Variants in CAMTA1 observed in about 807,000 individuals in gnomAD.
CAMTA1 encodes the protein calmodulin binding transcription activator 1, also known as calmodulin-binding transcription activator 1.
CAMTA1 carries 27 observed loss-of-function variants against 170.9 expected under a neutral mutation model. The observed-to-expected ratio is 0.16, with a 90% CI of 0.12 to 0.22. The LOEUF (loss-of-function observed/expected upper bound fraction) is 0.22, where lower values mean the gene tolerates loss of function less well. CAMTA1 is among the 10% of genes least tolerant of loss of function. CAMTA1 has a pLI of 1.00. For missense variants in CAMTA1, 1,619 were observed against 2,217.2 expected (o/e 0.73, Z 5.42); for synonymous variants, 833 against 891.5 (o/e 0.93, Z 1.17).
intron 5 of CAMTA1, among the ~76,000 whole-genome samples, chr1:7,250,479 C>A (rs2149307261): frequency 6.6e-6 from 1 of 152,284 alleles, no homozygotes; most frequent in South Asian, 2.1e-4. Flanking sequence ...CGTGATCCAC[C>A]TGTTATTTCG....
chr1:6,975,071 C>T (rs895338844), intron 3 of CAMTA1, among the ~76,000 whole-genome samples: 5 of 152,278 alleles, frequency 3.3e-5, no homozygotes, highest in African/African-American at 1.2e-4. Flanking sequence ...GAAGGAGGCG[C>T]CATCTCTGTT....
intron 6 of CAMTA1, among the ~76,000 whole-genome samples, chr1:7,492,168 T>C (rs552360609): frequency 6.6e-6 from 1 of 152,286 alleles, no homozygotes; most frequent in African/African-American, 2.4e-5. Flanking sequence ...AAGTCCTCCT[T>C]GGTAGAGCGT....
chr1:7,628,150 C>A (rs1289277585), intron 6 of CAMTA1, among the ~76,000 whole-genome samples: 1 of 152,140 alleles, frequency 6.6e-6, no homozygotes, highest in Non-Finnish European at 1.5e-5. Context: ...TCCCCTCAGC[C>A]CTGCTCCTCG....
intron 3 of CAMTA1, among the ~76,000 whole-genome samples, chr1:6,837,493 G>T (rs1272377384): frequency 1.3e-5 from 2 of 152,130 alleles, no homozygotes; most frequent in East Asian, 3.9e-4. Flanking sequence ...AGTTGAGAAA[G>T]TTAAAAGAAT....
intron 11 of CAMTA1, among the ~76,000 whole-genome samples, chr1:7,684,922 G>A (rs745453343): frequency 6.6e-6 from 1 of 152,160 alleles, no homozygotes; most frequent in Non-Finnish European, 1.5e-5. Flanking sequence ...AGGGTTTGTT[G>A]TGCACGGGGT....
intron 6 of CAMTA1, among the ~76,000 whole-genome samples, chr1:7,571,641 T>C (rs2095127434): frequency 6.6e-6 from 1 of 152,130 alleles, no homozygotes; most frequent in Non-Finnish European, 1.5e-5. Context: ...TCCAGCTCTA[T>C]CCATGTTGCT....
chr1:6,803,842 G>A (rs572693079), intron 1 of CAMTA1, among the ~76,000 whole-genome samples: 117 of 152,016 alleles, frequency 7.7e-4, no homozygotes, highest in African/African-American at 2.8e-3. Context: ...AGACTCCCAA[G>A]TGGTTAGGAG....
At chr1:6,820,698 G>A (rs1458650347) in intron 2 of CAMTA1, among the ~76,000 whole-genome samples, 1 of 152,178 alleles carries the variant, frequency 6.6e-6, no homozygotes, top group African/African-American at 2.4e-5. Flanking sequence ...GAGTAATTAA[G>A]CCCTTGTGTT....
At chr1:7,581,680 C>T (rs1045758791) in intron 6 of CAMTA1, among the ~76,000 whole-genome samples, 5 of 152,232 alleles carry the variant, frequency 3.3e-5, no homozygotes, top group Non-Finnish European at 5.9e-5. Context: ...ACACCTGCCA[C>T]GTGTGGCCTA....
intron 4 of CAMTA1, among the ~76,000 whole-genome samples, chr1:7,199,592 G>A (rs923712513): frequency 8.5e-5 from 13 of 152,182 alleles, no homozygotes; most frequent in Non-Finnish European, 1.6e-4. Context: ...ACCCAAGGCA[G>A]CGGTGGGCAC....
intron 6 of CAMTA1, among the ~76,000 whole-genome samples, chr1:7,636,157 C>A (rs1006841193): frequency 5.3e-5 from 8 of 151,700 alleles, no homozygotes; most frequent in Admixed American, 2.6e-4. Context: ...AGGGACCCCC[C>A]ACCCCCGGTG....
At chr1:7,488,920 C>T (rs1290892394) in intron 6 of CAMTA1, among the ~76,000 whole-genome samples, 1 of 152,228 alleles carries the variant, frequency 6.6e-6, no homozygotes, top group Admixed American at 6.5e-5. Context: ...CATGCATACC[C>T]ATGCACACGT....
At chr1:7,046,111 G>T (rs1022391622) in intron 3 of CAMTA1, among the ~76,000 whole-genome samples, 1 of 152,208 alleles carries the variant, frequency 6.6e-6, no homozygotes, top group African/African-American at 2.4e-5. Context: ...CAGTAGAAGT[G>T]CACAGAAAGT....
chr1:7,525,448 GT>G (rs1305159659), intron 6 of CAMTA1, among the ~76,000 whole-genome samples: 2 of 151,532 alleles, frequency 1.3e-5, no homozygotes, highest in African/African-American at 2.4e-5. Context: ...TCTTGTGTGT[GT>G]TTTTTTTAAT....
Position 7,663,360 on chromosome 1 carries a change from C to A in CAMTA1, c.813C>A (p.Gly271=). The A allele has an allele frequency of 6.6e-7, 1 of 1,525,410 alleles. No individual in the cohort carries two copies. The highest frequency in any genetic ancestry group is 8.8e-7 in the Non-Finnish European group (1 of 1,134,238). 94.5% of individuals were successfully genotyped at this position (1,525,410 alleles called of 1,614,324 possible). ...GTGTTCCGATCTCCGCAGGAGCTGG[C>A]GGCAGCGTGCATCACAAGTGTAACA... ...NCLCTGSLGA[G]GSVHHKCNSA... is the part of the protein sequence containing the mutation. Residue 271 remains glycine, a synonymous_variant, in exon 9 of 23, where the codon GGC becomes GGA. Transcript: ENST00000303635.
At chr1:7,094,622 C>G (rs1431129394) in intron 4 of CAMTA1, among the ~76,000 whole-genome samples, 1 of 152,076 alleles carries the variant, frequency 6.6e-6, no homozygotes, top group Non-Finnish European at 1.5e-5. Flanking sequence ...TAAATATAGT[C>G]CTTGCTCAGA....
chr1:7,183,547 T>C (rs1030902520), intron 4 of CAMTA1, among the ~76,000 whole-genome samples: 5 of 152,176 alleles, frequency 3.3e-5, no homozygotes, highest in Non-Finnish European at 5.9e-5. Context: ...TTCCAAAATA[T>C]TGGGAACAAC....
intron 1 of CAMTA1, among the ~76,000 whole-genome samples, chr1:6,804,508 C>T (rs761779627): frequency 6.6e-6 from 1 of 152,066 alleles, no homozygotes; most frequent in Non-Finnish European, 1.5e-5. Flanking sequence ...TCCCTGTTGC[C>T]TCCTCCTCCC....
chr1:7,216,108 C>T lies in CAMTA1; in HGVS notation c.303-33383C>T, dbSNP rs775895896. ...GGAAACTTACAATCATGGCAGAAGG[C>T]GAAGGGGAAGCCCGCGTGTCCTGCG... On this transcript the variant is annotated intron_variant, in intron 4 of 22. Coordinates refer to ENST00000303635, the MANE Select transcript of CAMTA1 (RefSeq NM_015215.4). The surrounding 1 kb of genome is among the most constrained non-coding windows in gnomAD (Gnocchi z 4.0). Among the ~76,000 whole-genome samples the T allele has an allele frequency of 4.2e-4, 64 of 152,182 alleles. No individual in the cohort carries two copies. Among genetic ancestry groups the T allele is most frequent in the Middle Eastern group, 6.8e-3 (2 of 294 alleles).
Sources: gnomAD v4.1 joint callset for allele counts (sites outside exome capture counted in the v4.1 genomes callset) on GRCh38, gnomAD v4.1.1 for gene constraint, Gnocchi (gnomAD v3.1) non-coding constraint, MANE v1.5 for transcripts, NCBI Gene and HGNC (gene_info 2026-07-23, HGNC 2026-07-21) for gene names.